The following SPAG17 variants were observed in gnomAD, a reference collection of about 807,000 sequenced individuals.
The protein encoded by SPAG17 is sperm associated antigen 17, also known as sperm-associated antigen 17.
A neutral mutation model predicts 273.6 loss-of-function variants in SPAG17; 169 were observed. The ratio of observed to expected loss-of-function variants is 0.62; its 90% CI spans 0.55 to 0.70. The LOEUF (loss-of-function observed/expected upper bound fraction) is 0.70. SPAG17 is among the 30% of genes least tolerant of loss of function. SPAG17 has a pLI of 0.00. For synonymous variants in SPAG17, 825 were observed against 873.2 expected (o/e 0.94, Z 0.97); for missense variants, 2,557 against 2,627.8 (o/e 0.97, Z 0.59).
chr1:118,125,245 A>ATATATT (rs146004766), intron 3 of SPAG17, among the ~76,000 whole-genome samples: 83 of 150,828 alleles, frequency 5.5e-4, no homozygotes, highest in African/African-American at 1.9e-3. Flanking sequence ...ATATATATAT[A>ATATATT]TTTTTGACAT....
At chr1:118,166,567 C>A (rs1340478781) in intron 1 of SPAG17, among the ~76,000 whole-genome samples, 2 of 152,058 alleles carry the variant, frequency 1.3e-5, no homozygotes, top group East Asian at 1.9e-4. Flanking sequence ...ATTTCCTTGT[C>A]ATTTTGTCTA....
At chr1:118,042,220 C>T (rs1045270702) in intron 20 of SPAG17, among the ~76,000 whole-genome samples, 178 bp from the exon 21 acceptor site, 48 of 152,158 alleles carry the variant, frequency 3.2e-4, no homozygotes, top group African/African-American at 1.1e-3. Flanking sequence ...CAACTTCTGT[C>T]TGCTAAATCC....
intron 3 of SPAG17, among the ~76,000 whole-genome samples, chr1:118,143,040 T>G (rs1658767046): frequency 6.6e-6 from 1 of 152,174 alleles, no homozygotes; most frequent in South Asian, 2.1e-4. Context: ...ACCATAAGAA[T>G]TAAAAAACCC....
intron 36 of SPAG17, 24 bp from the exon 37 acceptor site, chr1:117,991,552 T>C (rs1657075870): frequency 1.4e-6 from 2 of 1,431,442 alleles, no homozygotes; most frequent in Non-Finnish European, 1.9e-6. Context: ...ATAAAATACA[T>C]AGACAAAAAC....
At chr1:118,148,233 C>A (rs1466624617) in intron 3 of SPAG17, among the ~76,000 whole-genome samples, 2 of 152,138 alleles carry the variant, frequency 1.3e-5, no homozygotes, top group Admixed American at 6.5e-5. Context: ...GGAGTTGATT[C>A]CTTCCAGTGG....
At chr1:118,033,555 T>A (rs1648724380) in intron 24 of SPAG17, among the ~76,000 whole-genome samples, 1 of 152,214 alleles carries the variant, frequency 6.6e-6, no homozygotes, top group South Asian at 2.1e-4. Context: ...GCACTTCCAA[T>A]ACCACCACTT....
intron 3 of SPAG17, among the ~76,000 whole-genome samples, chr1:118,130,926 A>G (rs1320948999): frequency 6.6e-6 from 1 of 152,154 alleles, no homozygotes; most frequent in Non-Finnish European, 1.5e-5. Context: ...TAGATACAGC[A>G]CCATGTTTTT....
intron 3 of SPAG17, among the ~76,000 whole-genome samples, chr1:118,141,160 C>T (rs1250450479): frequency 6.6e-6 from 1 of 152,204 alleles, no homozygotes; most frequent in East Asian, 1.9e-4. Flanking sequence ...CCGTCTCCCC[C>T]ATTCAAATGT....
chr1:117,991,794 A>C (rs930276696), intron 36 of SPAG17, among the ~76,000 whole-genome samples: 3 of 152,198 alleles, frequency 2.0e-5, no homozygotes, highest in Admixed American at 2.0e-4. Flanking sequence ...CTAACTGTGC[A>C]CTTAAGTGTC....
intron 46 of SPAG17, among the ~76,000 whole-genome samples, chr1:117,969,621 C>T (rs1654322545): frequency 6.6e-6 from 1 of 151,986 alleles, no homozygotes; most frequent in Admixed American, 6.6e-5. Flanking sequence ...AATATGATTT[C>T]TTAGTATGGC....
intron 28 of SPAG17, among the ~76,000 whole-genome samples, chr1:118,022,086 A>G (rs1047555437): frequency 2.6e-5 from 4 of 152,192 alleles, no homozygotes; most frequent in Non-Finnish European, 5.9e-5. Context: ...AGATCATTAA[A>G]GGCATATGAG....
intron 38 of SPAG17, among the ~76,000 whole-genome samples, chr1:117,990,474 C>T (rs980901850): frequency 2.0e-5 from 3 of 152,082 alleles, no homozygotes; most frequent in African/African-American, 7.2e-5. Flanking sequence ...TAAAACAGTG[C>T]AAAGTTTTGG....
intron 8 of SPAG17, among the ~76,000 whole-genome samples, chr1:118,092,688 G>A (rs988094105): frequency 1.2e-4 from 18 of 152,158 alleles, no homozygotes. Context: ...GTTTAGATCA[G>A]GTGACCAAGT....
At chr1:118,084,237 G>C (rs1251661263) in intron 13 of SPAG17, among the ~76,000 whole-genome samples, 2 of 152,098 alleles carry the variant, frequency 1.3e-5, no homozygotes, top group Non-Finnish European at 2.9e-5. Context: ...GTCAATGGTA[G>C]GACTCAGAAG....
At chr1:118,176,512 T>C (rs765355121) in intron 1 of SPAG17, among the ~76,000 whole-genome samples, 6 of 152,094 alleles carry the variant, frequency 3.9e-5, no homozygotes, top group Non-Finnish European at 7.4e-5. Context: ...CAAGAAAATA[T>C]AGCCATTATA....
At chr1:118,167,077 T>C (rs1458299734) in intron 1 of SPAG17, among the ~76,000 whole-genome samples, 1 of 152,186 alleles carries the variant, frequency 6.6e-6, no homozygotes, top group East Asian at 1.9e-4. Context: ...AATTACTTTA[T>C]TGATACACTT....
chr1:118,141,544 C>A (rs1049678125), intron 3 of SPAG17, among the ~76,000 whole-genome samples: 4 of 152,140 alleles, frequency 2.6e-5, no homozygotes, highest in African/African-American at 9.7e-5. Context: ...AATAAATGAG[C>A]AAGAACTTTT....
chr1:118,081,765 G>A, intron 13 of SPAG17, 123 bp from the exon 14 acceptor site: 1 of 759,000 alleles, frequency 1.3e-6, no homozygotes. Context: ...CACAATGGCT[G>A]TTGAGCTGAT....
intron 10 of SPAG17, among the ~76,000 whole-genome samples, chr1:118,088,165 C>T (rs1655132290): frequency 6.6e-6 from 1 of 152,066 alleles, no homozygotes; most frequent in African/African-American, 2.4e-5. Flanking sequence ...CTGAAATGTC[C>T]AATTCTAACA....
Sources: gnomAD v4.1 joint callset for allele counts (sites outside exome capture counted in the v4.1 genomes callset) on GRCh38, gnomAD v4.1.1 for gene constraint, MANE v1.5 for transcripts, NCBI Gene and HGNC (gene_info 2026-07-23, HGNC 2026-07-21) for gene names.